CA10: variants seen among roughly 807,000 people sequenced by gnomAD.
CA10 encodes carbonic anhydrase-related protein 10.
In CA10, 14 loss-of-function variants were observed where a neutral mutation model predicts 44.2. The observed-to-expected ratio is 0.32, with a 90% CI of 0.21 to 0.50. The LOEUF (loss-of-function observed/expected upper bound fraction) is 0.50, where lower values mean the gene tolerates loss of function less well. Ranked by LOEUF, CA10 falls within the 20% of genes least tolerant of loss-of-function variation. The pLI is 0.99. For synonymous variants in CA10, 159 were observed against 141.6 expected, an observed-to-expected ratio of 1.12 and a Z score of -0.87; for missense variants, 350 against 409.7, an observed-to-expected ratio of 0.85 and a Z score of 1.26.
intron 2 of CA10, among the ~76,000 whole-genome samples, chr17:52,054,573 T>G (rs1987171118): frequency 6.6e-6 from 1 of 152,042 alleles, no homozygotes; most frequent in African/African-American, 2.4e-5. Context: ...TCCCTCCCCT[T>G]TTGAAAATCA....
intron 3 of CA10, among the ~76,000 whole-genome samples, chr17:51,815,416 G>T (rs181160238): frequency 6.6e-6 from 1 of 152,302 alleles, no homozygotes; most frequent in African/African-American, 2.4e-5. Flanking sequence ...CTTCACCAGA[G>T]TGAGAAAGAC....
chr17:51,712,211 C>T (rs1270442994), intron 4 of CA10, among the ~76,000 whole-genome samples: 1 of 152,140 alleles, frequency 6.6e-6, no homozygotes, highest in African/African-American at 2.4e-5. Context: ...AGCTTCCATG[C>T]CCTTTCTACG....
intron 2 of CA10, among the ~76,000 whole-genome samples, chr17:51,980,434 G>A (rs62070795): frequency 0.13 from 20,053 of 152,018 alleles, 1,805 homozygotes; most frequent in South Asian, 0.31. Context: ...ACCTTTGTCA[G>A]ACACACAGTT....
intron 4 of CA10, among the ~76,000 whole-genome samples, chr17:51,683,944 C>T (rs964655814): frequency 1.2e-4 from 18 of 152,314 alleles, no homozygotes; most frequent in East Asian, 5.8e-4. Context: ...TCCCACCCTG[C>T]GGCAGGCTGA....
intron 3 of CA10, among the ~76,000 whole-genome samples, chr17:51,760,982 T>C (rs1425049718): frequency 6.6e-6 from 1 of 152,206 alleles, no homozygotes; most frequent in Non-Finnish European, 1.5e-5. Flanking sequence ...CACATTACAA[T>C]TCGAACTCAC....
At chr17:51,719,752 G>C (rs1187060574) in intron 4 of CA10, among the ~76,000 whole-genome samples, 2 of 152,092 alleles carry the variant, frequency 1.3e-5, no homozygotes, top group Non-Finnish European at 2.9e-5. Flanking sequence ...AGCCAGGCAT[G>C]GTGGCATGAG....
intron 2 of CA10, among the ~76,000 whole-genome samples, chr17:51,961,188 A>AACACACAC (rs71149387): frequency 0.015 from 2,173 of 145,074 alleles, 30 homozygotes; most frequent in East Asian, 0.025. Flanking sequence ...TGTACACACA[A>AACACACAC]ACACACACAC....
intron 2 of CA10, among the ~76,000 whole-genome samples, chr17:52,051,216 A>T (rs1242766206): frequency 6.6e-6 from 1 of 152,072 alleles, no homozygotes; most frequent in Admixed American, 6.6e-5. Context: ...CAACCTAGGC[A>T]ATACCATTCA....
At chr17:51,710,044 A>T (rs1778177740) in intron 4 of CA10, among the ~76,000 whole-genome samples, 1 of 152,162 alleles carries the variant, frequency 6.6e-6, no homozygotes, top group Non-Finnish European at 1.5e-5. Flanking sequence ...AAAGTTTCCA[A>T]ATTGTGTTAA....
At chr17:51,833,365 C>G (rs748974585) in intron 3 of CA10, among the ~76,000 whole-genome samples, 4 of 152,176 alleles carry the variant, frequency 2.6e-5, no homozygotes, top group African/African-American at 9.7e-5. Flanking sequence ...TTTCCAACAG[C>G]CTTTGATGCA....
intron 4 of CA10, among the ~76,000 whole-genome samples, chr17:51,732,500 G>A (rs1430175414): frequency 2.6e-5 from 4 of 152,186 alleles, no homozygotes; most frequent in African/African-American, 9.7e-5. Flanking sequence ...ACTTGAGCTT[G>A]TGAATTTTGT....
Position 51,821,245 on chromosome 17 carries a change from T to C in CA10, c.280-73427A>G, listed in dbSNP as rs187891473. Reference sequence around the variant, plus strand: ...CAAATGAAAAAGCTCCTTCCCTTCATGGGAGCCCACAGTTAAAAAGGAAAT... The same window carrying C: ...CAAATGAAAAAGCTCCTTCCCTTCACGGGAGCCCACAGTTAAAAAGGAAAT... On this transcript the variant is annotated intron_variant, in intron 3 of 8. Coordinates refer to ENST00000451037, the MANE Select transcript of CA10 (RefSeq NM_020178.5). Among the ~76,000 whole-genome samples the C allele has an allele frequency of 2.7e-3, 405 of 150,180 alleles. 1 individual carries two copies. The highest frequency in any genetic ancestry group is 5.0e-3 in the Non-Finnish European group (341 of 67,666).
chr17:51,840,909 T>A lies in CA10; in HGVS notation c.279+90081A>T, dbSNP rs576116474. Among the ~76,000 whole-genome samples, 3 of 152,276 alleles carry A rather than the reference T, an allele frequency of 2.0e-5. No individual in the cohort carries two copies. In the South Asian group the frequency reaches 6.2e-4, roughly 32 times the overall value. Reference sequence around the variant, plus strand: ...TCAGGGAGAACAAACTCACAGTTTATCATTTAAGAAACAGAAAGCAAACCA... The same window carrying A: ...TCAGGGAGAACAAACTCACAGTTTAACATTTAAGAAACAGAAAGCAAACCA... On this transcript the variant is annotated intron_variant, in intron 3 of 8. Coordinates refer to ENST00000451037, the MANE Select transcript of CA10 (RefSeq NM_020178.5).
intron 1 of CA10, among the ~76,000 whole-genome samples, chr17:52,135,501 T>G (rs1040503117): frequency 6.6e-6 from 1 of 152,152 alleles, no homozygotes; most frequent in Non-Finnish European, 1.5e-5. Context: ...GGACCACGTT[T>G]CTCCTTTCAT....
chr17:52,152,736 TC>T (rs1989729272), intron 1 of CA10, among the ~76,000 whole-genome samples: 1 of 152,136 alleles, frequency 6.6e-6, no homozygotes, highest in South Asian at 2.1e-4. Context: ...TAAGTATGGA[TC>T]ATATATAGTA....
intron 2 of CA10, among the ~76,000 whole-genome samples, chr17:51,995,598 G>A (rs572347213): frequency 9.2e-5 from 14 of 152,128 alleles, no homozygotes; most frequent in African/African-American, 3.4e-4. Flanking sequence ...GGGGAATTGG[G>A]TCTAACAAAA....
intron 2 of CA10, among the ~76,000 whole-genome samples, chr17:52,039,718 T>C (rs1986717160): frequency 6.6e-6 from 1 of 152,144 alleles, no homozygotes; most frequent in South Asian, 2.1e-4. Flanking sequence ...TTCATTTCTT[T>C]TAATCATATG....
chr17:51,897,702 A>G (rs919948178), intron 3 of CA10, among the ~76,000 whole-genome samples: 1 of 152,126 alleles, frequency 6.6e-6, no homozygotes, highest in East Asian at 1.9e-4. Context: ...ATGAGCATAT[A>G]ATGTGTTCCC....
intron 3 of CA10, among the ~76,000 whole-genome samples, chr17:51,838,864 A>C (rs1310502668): frequency 1.3e-5 from 2 of 152,046 alleles, no homozygotes; most frequent in Non-Finnish European, 2.9e-5. Context: ...AGATTGAATC[A>C]CTCCTACTCA....
Sources: gnomAD v4.1 joint callset for allele counts (sites outside exome capture counted in the v4.1 genomes callset) on GRCh38, gnomAD v4.1.1 for gene constraint, MANE v1.5 for transcripts, NCBI Gene and HGNC (gene_info 2026-07-23, HGNC 2026-07-21) for gene names.